Variants in PARD3B observed in about 807,000 individuals in gnomAD.
PARD3B encodes the protein partitioning defective 3 homolog B.
Under a neutral mutation model 130.2 loss-of-function variants are expected in PARD3B, and 103 were observed. The ratio of observed to expected loss-of-function variants is 0.79; its 90% CI spans 0.67 to 0.93. The LOEUF is 0.93. Ranked by LOEUF, PARD3B falls within the 40% of genes least tolerant of loss-of-function variation. PARD3B has a pLI of 0.00. For synonymous variants in PARD3B, 583 were observed against 553.2 expected, an observed-to-expected ratio of 1.05 and a Z score of -0.76; for missense variants, 1,609 against 1,499.2, an observed-to-expected ratio of 1.07 and a Z score of -1.21.
chr2:204,833,593 T>C (rs1418602656), intron 2 of PARD3B, among the ~76,000 whole-genome samples: 1 of 152,124 alleles, frequency 6.6e-6, no homozygotes, highest in Admixed American at 6.5e-5. Flanking sequence ...TTTCCTGTGC[T>C]GTTCTCCTGA....
At chr2:204,637,184 A>G (rs769258294) in intron 1 of PARD3B, among the ~76,000 whole-genome samples, 54 of 152,134 alleles carry the variant, frequency 3.5e-4, no homozygotes, top group Non-Finnish European at 1.0e-4. Context: ...GGCTACCAGG[A>G]GCATTTTGCA....
chr2:204,835,987 T>C (rs1042493896), intron 2 of PARD3B, among the ~76,000 whole-genome samples: 2 of 152,198 alleles, frequency 1.3e-5, no homozygotes, highest in African/African-American at 4.8e-5. Flanking sequence ...ACTCCATTTA[T>C]TGACACCCCA....
intron 16 of PARD3B, among the ~76,000 whole-genome samples, chr2:205,285,129 G>C (rs1173214580): frequency 6.6e-6 from 1 of 151,738 alleles, no homozygotes; most frequent in Non-Finnish European, 1.5e-5. Flanking sequence ...ATAGGACTCT[G>C]CAATGTGTGG....
chr2:204,797,445 T>G (rs1007075178), intron 2 of PARD3B, among the ~76,000 whole-genome samples: 6 of 152,176 alleles, frequency 3.9e-5, no homozygotes, highest in Non-Finnish European at 8.8e-5. Context: ...TTTTGTATCA[T>G]GAGGAGCTAA....
chr2:205,270,136 C>G (rs1172142007), intron 16 of PARD3B, among the ~76,000 whole-genome samples: 1 of 152,008 alleles, frequency 6.6e-6, no homozygotes, highest in African/African-American at 2.4e-5. Flanking sequence ...ACTATGTACT[C>G]AAAGTTAAAA....
At chr2:204,657,515 AT>A (rs112340965) in intron 1 of PARD3B, among the ~76,000 whole-genome samples, 3,409 of 150,890 alleles carry the variant, frequency 0.023, 54 homozygotes, top group Middle Eastern at 0.071. Context: ...TAAAAAAAAA[AT>A]TTTTTTTTTG....
At chr2:205,036,312 T>C (rs1697877472) in intron 3 of PARD3B, among the ~76,000 whole-genome samples, 1 of 147,248 alleles carries the variant, frequency 6.8e-6, no homozygotes, top group Admixed American at 6.9e-5. Flanking sequence ...TAAAAATATA[T>C]GTATATAGTG....
At chr2:205,217,901 TTTTTA>T (rs1174871405) in intron 15 of PARD3B, among the ~76,000 whole-genome samples, 9 of 119,148 alleles carry the variant, frequency 7.6e-5, no homozygotes, top group African/African-American at 2.2e-4. Context: ...TATATTTTTT[TTTTTA>T]TTTTTTTGAG....
intron 19 of PARD3B, among the ~76,000 whole-genome samples, chr2:205,424,239 C>T (rs2047068764): frequency 6.6e-6 from 1 of 152,070 alleles, no homozygotes; most frequent in African/African-American, 2.4e-5. Flanking sequence ...AATATGAGTG[C>T]CCTATACCTT....
At chr2:204,709,422 A>C (rs2038331579) in intron 2 of PARD3B, among the ~76,000 whole-genome samples, 1 of 152,242 alleles carries the variant, frequency 6.6e-6, no homozygotes, top group South Asian at 2.1e-4. Context: ...GAATTAAATT[A>C]ACTCATGTGG....
intron 2 of PARD3B, among the ~76,000 whole-genome samples, chr2:204,715,495 T>G (rs1442006298): frequency 6.6e-6 from 1 of 152,000 alleles, no homozygotes; most frequent in Non-Finnish European, 1.5e-5. Context: ...TTTTTTTTTT[T>G]TTTTCTGCTG....
rs769315097 is a variant in PARD3B, at chr2:205,615,743, G to C, written c.3548G>C (p.Gly1183Ala). The change falls in exon 23 of 23, where the codon GGC (glycine) becomes GCC (alanine). Residue 1183 changes from glycine to alanine, a missense_variant. Transcript: ENST00000406610. ...ACAGGCAGACCAGGGCCCCGTGGGG[G>C]CAGCCCAGACCAGTACCCTTACCGA... is the stretch of plus-strand genomic sequence containing the variant. ...QETGRPGPRG[G>A]SPDQYPYRTQ... is the part of the protein sequence containing the mutation. 1 of 1,614,104 alleles carries C rather than the reference G, an allele frequency of 6.2e-7. No individual in the cohort carries two copies. The highest frequency in any genetic ancestry group is 8.5e-7 in the Non-Finnish European group (1 of 1,180,030).
rs138625356 is a variant in PARD3B, at chr2:204,986,796, C to G, written c.394+21473C>G. 1.8e-3 allele frequency among the ~76,000 whole-genome samples: 281 copies of G among 152,306 alleles called. 3 individuals are homozygous for G. The highest frequency in any genetic ancestry group is 6.6e-3 in the African/African-American group (276 of 41,560). On this transcript the variant is annotated intron_variant, in intron 3 of 22. Transcript: ENST00000406610. The stretch of plus-strand genomic sequence containing the variant: ...CTTGATGGACAGCATTCTTCCATCT[C>G]TCAGCCCACCTTTTACGTCCTGCCA...
intron 16 of PARD3B, among the ~76,000 whole-genome samples, chr2:205,262,385 T>A (rs2040348372): frequency 6.6e-6 from 1 of 152,104 alleles, no homozygotes; most frequent in Non-Finnish European, 1.5e-5. Context: ...TTTTCTCCTT[T>A]GTTTCTATAA....
chr2:205,275,785 C>T (rs572201921), intron 16 of PARD3B, among the ~76,000 whole-genome samples: 26 of 136,556 alleles, frequency 1.9e-4, no homozygotes, highest in South Asian at 1.4e-3. Context: ...TGCAGTGAGC[C>T]GAGATTGCAC....
chr2:205,194,864 A>G lies in PARD3B; in HGVS notation c.2140+1544A>G, dbSNP rs149628320. 6.5e-3 allele frequency among the ~76,000 whole-genome samples: 983 copies of G among 151,362 alleles called. 9 individuals carry two copies. The highest frequency in any genetic ancestry group is 0.022 in the African/African-American group (913 of 41,216). ...AGTAGTGCGATCTCGGCTCACTGCA[A>G]CCTCCGCCCCCTGGGTTCAAGTGAT... On this transcript the variant is annotated intron_variant, in intron 15 of 22. Transcript: ENST00000406610.
chr2:204,800,724 C>T (rs2042537847), intron 2 of PARD3B, among the ~76,000 whole-genome samples: 1 of 152,128 alleles, frequency 6.6e-6, no homozygotes, highest in Admixed American at 6.5e-5. Context: ...AATTAGATCC[C>T]ATTTGTCAAT....
chr2:204,663,353 C>T (rs968865399), intron 1 of PARD3B, among the ~76,000 whole-genome samples: 2 of 152,184 alleles, frequency 1.3e-5, no homozygotes, highest in Non-Finnish European at 2.9e-5. Context: ...GAATATCACC[C>T]GCATCCCTTA....
At chr2:204,683,945 A>G (rs1169267339) in intron 1 of PARD3B, among the ~76,000 whole-genome samples, 1 of 152,076 alleles carries the variant, frequency 6.6e-6, no homozygotes, top group Non-Finnish European at 1.5e-5. Flanking sequence ...TCCGTGTCTT[A>G]TTTTCCACAA....
Sources: allele counts gnomAD v4.1 joint callset (sites outside exome capture counted in the v4.1 genomes callset), GRCh38; gene constraint gnomAD v4.1.1; transcripts MANE v1.5; gene names NCBI Gene and HGNC (gene_info 2026-07-23, HGNC 2026-07-21).